TAFA3: variants seen among roughly 807,000 people sequenced by gnomAD.
TAFA3 encodes TAFA chemokine like family member 3.
Under a neutral mutation model 20.7 loss-of-function variants are expected in TAFA3, and 17 were observed. The observed-to-expected ratio is 0.82, with a 90% CI of 0.56 to 1.23. TAFA3 has a LOEUF of 1.23. TAFA3 is among the 50% of genes most tolerant of loss of function. The probability of loss-of-function intolerance (pLI) is 0.00; values close to 1 mark genes in which losing one functional copy is unlikely to be tolerated. For missense variants in TAFA3, 174 were observed against 172.8 expected (o/e 1.01, Z -0.04); for synonymous variants, 74 against 71.8 (o/e 1.03, Z -0.16).
intron 5 of TAFA3, among the ~76,000 whole-genome samples, chr1:112,724,786 T>TA (rs58991438): frequency 0.49 from 24,933 of 51,156 alleles, 3,896 homozygotes; most frequent in Admixed American, 0.52. Flanking sequence ...AAGTATAATT[T>TA]AAAAAAAAAA....
At chr1:112,723,294 TG>T in intron 4 of TAFA3, 129 bp downstream of exon 4, 1 of 1,283,660 alleles carries the variant, frequency 7.8e-7, no homozygotes, top group Non-Finnish European at 1.0e-6. Context: ...TCTCAAATGG[TG>T]GGGCCCCCTC....
intron 5 of TAFA3, among the ~76,000 whole-genome samples, chr1:112,725,402 A>AAAC (rs1553192300): frequency 2.5e-5 from 3 of 120,896 alleles, no homozygotes; most frequent in African/African-American, 9.4e-5. Context: ...TATTAAAAAA[A>AAAC]AAAAAAAAAA....
At chr1:112,726,134 C>G (rs1293326015) in intron 5 of TAFA3, among the ~76,000 whole-genome samples, 2 of 151,374 alleles carry the variant, frequency 1.3e-5, no homozygotes, top group Non-Finnish European at 2.9e-5. Flanking sequence ...GAGACTCCAT[C>G]TCAAAAAAAG....
chr1:112,722,238 G>A lies in TAFA3; in HGVS notation c.5G>A (p.Ser2Asn). The change falls in exon 3 of 6, where the codon AGT becomes AAT. Residue 2 changes from serine (S) to asparagine (N), a missense_variant. Transcript: ENST00000361886. ...ATGTGTGCTTCTCTCCGCAGGATGA[G>A]TGAGAGGGTCGAGCGGAACTGGAGC... is the stretch of plus-strand genomic sequence containing the variant. M[S>N]ERVERNWSTG... 1 of 1,614,134 alleles carries A rather than the reference G, an allele frequency of 6.2e-7. No individual in the cohort carries two copies. Among genetic ancestry groups the A allele is most frequent in the East Asian group, 2.2e-5 (1 of 44,892 alleles).
At chr1:112,726,516 G>A in intron 5 of TAFA3, 113 bp from the exon 6 acceptor site, 4 of 1,117,258 alleles carry the variant, frequency 3.6e-6, no homozygotes, top group Non-Finnish European at 5.4e-6. Flanking sequence ...TTTAGGGTGA[G>A]AGGATTGGCA....
intron 2 of TAFA3, 49 bp from the exon 3 acceptor site, chr1:112,722,183 CA>C: frequency 6.3e-7 from 1 of 1,591,850 alleles, no homozygotes; most frequent in Non-Finnish European, 8.6e-7. Context: ...CCCAGGTGCA[CA>C]GGGGAGCTTC....
intron 2 of TAFA3, 124 bp from the exon 3 acceptor site, chr1:112,722,109 T>C (rs969350485): frequency 2.4e-5 from 23 of 958,380 alleles, no homozygotes; most frequent in Non-Finnish European, 3.6e-5. Flanking sequence ...GAAAGATGCC[T>C]GGGGACAAGG....
In TAFA3 at chr1:112,719,064, C is replaced by G. The variant is rs1570849366; in HGVS notation, c.-295C>G. 6.6e-6 allele frequency among the ~76,000 whole-genome samples: 1 copy of G among 152,074 alleles called. No individual in the cohort carries two copies. Among genetic ancestry groups the G allele is most frequent in the South Asian group, 2.1e-4 (1 of 4,830 alleles). On this transcript the variant is annotated 5_prime_UTR_variant, in exon 1 of 6. Coordinates refer to ENST00000361886, the MANE Select transcript of TAFA3 (RefSeq NM_182759.3). ...TTCTGCAGAGCTGGCGGGGCCGGGC[C>G]CAGAGCTCCCCTGTGCCCAGAGCCC...
chr1:112,723,510 C>G (rs1675383566), intron 4 of TAFA3, among the ~76,000 whole-genome samples: 1 of 152,162 alleles, frequency 6.6e-6, no homozygotes, highest in African/African-American at 2.4e-5. Context: ...CTACTCTCCT[C>G]TCCTTCTCAG....
chr1:112,724,832 A>AG, intron 5 of TAFA3, among the ~76,000 whole-genome samples: 1 of 148,620 alleles, frequency 6.7e-6, no homozygotes, highest in African/African-American at 2.4e-5. Flanking sequence ...AAAAAAAAAA[A>AG]AAAAAAAAGA....
chr1:112,719,642 G>A (rs1377152046), intron 1 of TAFA3, among the ~76,000 whole-genome samples: 3 of 152,078 alleles, frequency 2.0e-5, no homozygotes, highest in African/African-American at 7.2e-5. Context: ...GGGCCTTGGG[G>A]TTCCTAGGAG....
intron 5 of TAFA3, 44 bp downstream of exon 5, chr1:112,724,181 T>G (rs2101500381): frequency 2.7e-6 from 4 of 1,497,080 alleles, no homozygotes; most frequent in Non-Finnish European, 3.6e-6. Flanking sequence ...CTTCCCTCTC[T>G]ACCAAGGGCA....
At chr1:112,721,941 G>C (rs1675338613) in intron 2 of TAFA3, among the ~76,000 whole-genome samples, 1 of 152,174 alleles carries the variant, frequency 6.6e-6, no homozygotes, top group East Asian at 1.9e-4. Flanking sequence ...AGCACTCAAA[G>C]AGTAGGAGTC....
chr1:112,719,436 T>C (rs1249178289), intron 1 of TAFA3, among the ~76,000 whole-genome samples, 137 bp downstream of exon 1: 1 of 152,156 alleles, frequency 6.6e-6, no homozygotes, highest in Admixed American at 6.5e-5. Context: ...GGCTGCTAAC[T>C]CAGCCTCACT....
intron 2 of TAFA3, 122 bp from the exon 3 acceptor site, chr1:112,722,111 G>T: frequency 1.0e-6 from 1 of 967,618 alleles, no homozygotes; most frequent in African/African-American, 1.6e-5. Flanking sequence ...AAGATGCCTG[G>T]GGACAAGGTG....
intron 2 of TAFA3, among the ~76,000 whole-genome samples, chr1:112,721,968 C>T (rs1351577656): frequency 1.3e-5 from 2 of 152,170 alleles, no homozygotes; most frequent in Admixed American, 6.5e-5. Context: ...ATTGTCCCTC[C>T]CATGTCACGA....
At chr1:112,720,034 A>G (rs904384274) in intron 1 of TAFA3, among the ~76,000 whole-genome samples, 1 of 152,152 alleles carries the variant, frequency 6.6e-6, no homozygotes, top group Non-Finnish European at 1.5e-5. Context: ...GTGGCCTTCA[A>G]AGGCTCAGGG....
chr1:112,726,742 C>T lies in TAFA3; in HGVS notation c.*102C>T. The T allele has an allele frequency of 1.3e-6, 2 of 1,561,734 alleles. No homozygotes were observed. Among genetic ancestry groups the T allele is most frequent in the East Asian group, 2.3e-5 (1 of 44,438 alleles). On this transcript the variant is annotated 3_prime_UTR_variant, in exon 6 of 6. Transcript: ENST00000361886. The stretch of plus-strand genomic sequence containing the variant: ...GGAAAGATGGGGATTCACTTACATG[C>T]CTCATGTCAAATGCAGCATCAGTCT...
rs1242466087 is a variant in TAFA3 at position 112,726,740 on chromosome 1, T to C, written c.*100T>C. On this transcript the variant is annotated 3_prime_UTR_variant, in exon 6 of 6. Transcript: ENST00000361886. ...CAGGAAAGATGGGGATTCACTTACA[T>C]GCCTCATGTCAAATGCAGCATCAGT... 6.2e-5 allele frequency: 97 copies of C among 1,573,522 alleles called. 1 individual carries two copies. The Admixed American group carries it at 1.6e-3, about 26-fold the overall frequency.
Sources: gnomAD v4.1 joint callset for allele counts (sites outside exome capture counted in the v4.1 genomes callset) on GRCh38, gnomAD v4.1.1 for gene constraint, MANE v1.5 for transcripts, NCBI Gene and HGNC (gene_info 2026-07-23, HGNC 2026-07-21) for gene names.